The following SLC39A12 variants were observed in gnomAD, a reference collection of about 807,000 sequenced individuals.
The protein encoded by SLC39A12 is solute carrier family 39 member 12, also known as zinc transporter ZIP12.
Under a neutral mutation model 71.1 loss-of-function variants are expected in SLC39A12, and 63 were observed. That is an observed-to-expected ratio of 0.89 (90% confidence interval 0.72 to 1.09). The LOEUF (loss-of-function observed/expected upper bound fraction) is 1.09. Among genes scored for constraint, SLC39A12 ranks in the 50% least tolerant of loss-of-function variants. The pLI is 0.00. For synonymous variants in SLC39A12, 351 were observed against 301.3 expected (o/e 1.16, Z -1.71); for missense variants, 892 against 812.6 (o/e 1.10, Z -1.19).
At chr10:17,956,761 C>T (rs1834559902) in intron 2 of SLC39A12, among the ~76,000 whole-genome samples, 1 of 152,222 alleles carries the variant, frequency 6.6e-6, no homozygotes, top group Non-Finnish European at 1.5e-5. Context: ...TCACACCTGG[C>T]CCTAGCCCCT....
chr10:17,952,817 C>G (rs536291758), intron 1 of SLC39A12, among the ~76,000 whole-genome samples: 1 of 152,286 alleles, frequency 6.6e-6, no homozygotes, highest in South Asian at 2.1e-4. Context: ...TGATGTTGGT[C>G]ATTTAGTAGA....
intron 4 of SLC39A12, 71 bp downstream of exon 4, chr10:17,965,761 A>G: frequency 7.9e-7 from 1 of 1,258,044 alleles, no homozygotes; most frequent in Non-Finnish European, 1.1e-6. Context: ...AACAAAGGCC[A>G]AAGCTCTTGA....
intron 12 of SLC39A12, among the ~76,000 whole-genome samples, chr10:18,003,755 C>A (rs1312545963): frequency 6.6e-6 from 1 of 152,142 alleles, no homozygotes; most frequent in African/African-American, 2.4e-5. Flanking sequence ...GTCAATCAGC[C>A]AGCTATTTTA....
At chr10:18,030,102 G>A (rs894279366) in intron 12 of SLC39A12, among the ~76,000 whole-genome samples, 2 of 151,264 alleles carry the variant, frequency 1.3e-5, no homozygotes, top group East Asian at 1.9e-4. Context: ...GTTTAGCTGG[G>A]TTTCTCACCG....
chr10:17,981,245 A>G (rs1835248572), intron 5 of SLC39A12, 67 bp from the exon 6 acceptor site: 1 of 1,406,932 alleles, frequency 7.1e-7, no homozygotes, highest in South Asian at 1.5e-5. Context: ...CTCAAGGATG[A>G]CAACTGGTGG....
At chr10:18,038,531 T>A (rs1208315167) in intron 12 of SLC39A12, among the ~76,000 whole-genome samples, 1 of 152,094 alleles carries the variant, frequency 6.6e-6, no homozygotes, top group African/African-American at 2.4e-5. Context: ...GTGCCTGTAA[T>A]CCCAGCTACT....
chr10:17,983,445 G>A (rs1445908726), intron 6 of SLC39A12, among the ~76,000 whole-genome samples: 1 of 151,954 alleles, frequency 6.6e-6, no homozygotes, highest in African/African-American at 2.4e-5. Flanking sequence ...CTATGACAAT[G>A]CCATTGCACT....
At chr10:17,980,869 C>T (rs1415311957) in intron 5 of SLC39A12, among the ~76,000 whole-genome samples, 3 of 152,166 alleles carry the variant, frequency 2.0e-5, no homozygotes, top group South Asian at 2.1e-4. Flanking sequence ...GTTGCCTACA[C>T]AGGCTGACTA....
At chr10:17,994,165 G>C (rs988700874) in intron 9 of SLC39A12, among the ~76,000 whole-genome samples, 1 of 152,142 alleles carries the variant, frequency 6.6e-6, no homozygotes, top group African/African-American at 2.4e-5. Flanking sequence ...GGTGGGATTA[G>C]TTTTAAAAAT....
At chr10:18,024,118 G>T (rs918315183) in intron 12 of SLC39A12, among the ~76,000 whole-genome samples, 1 of 152,190 alleles carries the variant, frequency 6.6e-6, no homozygotes, top group Non-Finnish European at 1.5e-5. Flanking sequence ...TGGAGGTGGG[G>T]TGGCTGTGTC....
intron 6 of SLC39A12, among the ~76,000 whole-genome samples, chr10:17,987,033 T>C (rs1055932498): frequency 2.0e-5 from 3 of 152,068 alleles, no homozygotes; most frequent in Admixed American, 2.0e-4. Flanking sequence ...AAAACGCTTA[T>C]TTAAAAATTC....
At chr10:18,021,473 A>T (rs1319868175) in intron 12 of SLC39A12, among the ~76,000 whole-genome samples, 1 of 152,060 alleles carries the variant, frequency 6.6e-6, no homozygotes, top group African/African-American at 2.4e-5. Flanking sequence ...TTTGCTTAAT[A>T]GATATTTCTC....
At chr10:17,968,005 T>G (rs114850846) in intron 4 of SLC39A12, among the ~76,000 whole-genome samples, 1 of 151,358 alleles carries the variant, frequency 6.6e-6, no homozygotes, top group East Asian at 1.9e-4. Context: ...AACTATGGCT[T>G]TCTTAAATGA....
intron 4 of SLC39A12, among the ~76,000 whole-genome samples, chr10:17,967,460 C>T (rs79212332): frequency 0.014 from 2,057 of 152,218 alleles, 39 homozygotes; most frequent in African/African-American, 0.043. Context: ...AAAAACTTCC[C>T]CTCGTCACTA....
intron 1 of SLC39A12, among the ~76,000 whole-genome samples, chr10:17,952,491 C>CTT (rs11288880): frequency 2.4e-4 from 31 of 128,564 alleles, no homozygotes; most frequent in South Asian, 7.4e-4. Flanking sequence ...TTTCTTTTTT[C>CTT]TTTTTTTTTT....
In SLC39A12 at chr10:17,952,485, TTTTTTC is replaced by T. The variant is rs1308305131; in HGVS notation, c.-87+466_-87+471del. 3.6e-3 allele frequency among the ~76,000 whole-genome samples: 489 copies of T among 136,248 alleles called. 2 individuals are homozygous for T. The highest frequency in any genetic ancestry group is 4.0e-3 in the Middle Eastern group (1 of 252). 89.4% of individuals were successfully genotyped at this position (136,248 alleles called of 152,430 possible). ...TAAAACTCTTTTTTTTTCTTTTTTCTTTTTTCTTTTTTTTTTTTTTGAGATGGAGTC... is the reference window on the plus strand; with the variant it reads ...TAAAACTCTTTTTTTTTCTTTTTTCTTTTTTTTTTTTTTTGAGATGGAGTC... On this transcript the variant is annotated intron_variant, in intron 1 of 12. Transcript: ENST00000377369.
At chr10:18,032,705 G>A (rs370755251) in intron 12 of SLC39A12, among the ~76,000 whole-genome samples, 16 of 151,814 alleles carry the variant, frequency 1.1e-4, no homozygotes, top group South Asian at 4.2e-4. Context: ...GAGTGGTGAG[G>A]GAGGGCATCC....
intron 4 of SLC39A12, among the ~76,000 whole-genome samples, chr10:17,977,062 T>C (rs1425723072): frequency 3.9e-5 from 6 of 152,168 alleles, no homozygotes; most frequent in Non-Finnish European, 7.4e-5. Flanking sequence ...TTCTGCCCTC[T>C]CAAATATGCT....
chr10:18,027,004 A>G (rs1421110527), intron 12 of SLC39A12, among the ~76,000 whole-genome samples: 1 of 152,194 alleles, frequency 6.6e-6, no homozygotes, highest in Non-Finnish European at 1.5e-5. Flanking sequence ...CATTTCTATT[A>G]CATCTGATTT....
Sources: gnomAD v4.1 joint callset for allele counts (sites outside exome capture counted in the v4.1 genomes callset) on GRCh38, gnomAD v4.1.1 for gene constraint, MANE v1.5 for transcripts, NCBI Gene and HGNC (gene_info 2026-07-23, HGNC 2026-07-21) for gene names.